Variants in GRIN2A observed in about 807,000 individuals in gnomAD.
GRIN2A encodes the protein glutamate ionotropic receptor NMDA type subunit 2A, also known as glutamate receptor ionotropic, NMDA 2A.
In GRIN2A, 22 loss-of-function variants were observed where a neutral mutation model predicts 113.4. That is an observed-to-expected ratio of 0.19 (90% CI 0.14 to 0.28). The LOEUF is 0.28. GRIN2A is among the 10% of genes least tolerant of loss of function. The pLI is 1.00. For missense variants in GRIN2A, 1,502 were observed against 1,887.0 expected, an observed-to-expected ratio of 0.80 and a Z score of 3.78; for synonymous variants, 827 against 738.4, an observed-to-expected ratio of 1.12 and a Z score of -1.94.
intron 2 of GRIN2A, among the ~76,000 whole-genome samples, chr16:10,088,006 A>C (rs988923186): frequency 6.6e-6 from 1 of 151,884 alleles, no homozygotes; most frequent in African/African-American, 2.4e-5. Flanking sequence ...AATTCTAAGC[A>C]CTCAGAAAAG....
rs187067473 is a variant in GRIN2A, at chr16:9,823,451, T to G, written c.2008-1027A>C. Among the ~76,000 whole-genome samples, 4 of 152,324 alleles carry G rather than the reference T, an allele frequency of 2.6e-5. No individual in the cohort carries two copies. In the East Asian group the frequency reaches 7.7e-4, roughly 29 times the overall value. ...TACATTTGTCAAGTAACTGGAATAGTGCCTGGACCAGAGAAAGCATTCAAA... is the reference window on the plus strand; with the variant it reads ...TACATTTGTCAAGTAACTGGAATAGGGCCTGGACCAGAGAAAGCATTCAAA... On this transcript the variant is annotated intron_variant, in intron 9 of 12. Transcript: ENST00000330684.
At chr16:10,067,652 G>A (rs983607375) in intron 2 of GRIN2A, among the ~76,000 whole-genome samples, 10 of 152,152 alleles carry the variant, frequency 6.6e-5, no homozygotes, top group Non-Finnish European at 2.9e-5. Flanking sequence ...GAGGAGTGGG[G>A]TGGGCAGGGA....
At chr16:10,012,911 C>T (rs1054758033) in intron 2 of GRIN2A, among the ~76,000 whole-genome samples, 3 of 152,102 alleles carry the variant, frequency 2.0e-5, no homozygotes, top group Admixed American at 6.6e-5. Flanking sequence ...AGTAAGTTTG[C>T]GGTAATTTAT....
intron 4 of GRIN2A, among the ~76,000 whole-genome samples, chr16:9,875,577 A>C (rs1446239298): frequency 1.3e-5 from 2 of 152,188 alleles, no homozygotes; most frequent in African/African-American, 4.8e-5. Flanking sequence ...TTCCATCAGC[A>C]GGCAAATGGG....
intron 2 of GRIN2A, among the ~76,000 whole-genome samples, chr16:10,129,680 CAGG>C (rs1335905567): frequency 2.6e-5 from 4 of 152,198 alleles, no homozygotes; most frequent in Admixed American, 2.0e-4. Flanking sequence ...GAGATATAAG[CAGG>C]AGATTATGGT....
intron 2 of GRIN2A, among the ~76,000 whole-genome samples, chr16:10,138,302 G>A (rs73514637): frequency 2.0e-5 from 3 of 152,160 alleles, no homozygotes; most frequent in Admixed American, 6.5e-5. Context: ...ACAATGTAAA[G>A]AACTATCTGA....
intron 2 of GRIN2A, among the ~76,000 whole-genome samples, chr16:10,073,333 A>G (rs1483250359): frequency 6.6e-6 from 1 of 152,188 alleles, no homozygotes; most frequent in Admixed American, 6.5e-5. Flanking sequence ...CATGGAAGAC[A>G]GAAAAATCAT....
rs143052517 is a variant in GRIN2A, at chr16:10,104,192, T to G, written c.414+75806A>C. ...AACACAAACCAGTTTGAAGAAACTA[T>G]TCGACGTATTCATTCTGTCATCTGT... On this transcript the variant is annotated intron_variant, in intron 2 of 12. Coordinates refer to ENST00000330684, the MANE Select transcript of GRIN2A (RefSeq NM_001134407.3). Among the ~76,000 whole-genome samples the G allele has an allele frequency of 3.7e-3, 567 of 152,370 alleles. 3 individuals carry two copies. The highest frequency in any genetic ancestry group is 0.013 in the African/African-American group (532 of 41,588).
At chr16:10,081,811 A>T (rs1337575886) in intron 2 of GRIN2A, among the ~76,000 whole-genome samples, 1 of 152,144 alleles carries the variant, frequency 6.6e-6, no homozygotes, top group Non-Finnish European at 1.5e-5. Flanking sequence ...AGGCTATGGA[A>T]CTGATTAAAA....
intron 5 of GRIN2A, among the ~76,000 whole-genome samples, chr16:9,843,099 G>T (rs1465639323): frequency 1.3e-5 from 2 of 151,492 alleles, no homozygotes; most frequent in Admixed American, 6.6e-5. Flanking sequence ...GAAAGAGAAA[G>T]AAATAAAGGA....
rs535218447 is a variant in GRIN2A, at chr16:10,158,951, C to G, written c.414+21047G>C. 3.4e-4 allele frequency among the ~76,000 whole-genome samples: 51 copies of G among 152,230 alleles called. No individual in the cohort carries two copies. In the South Asian group the frequency reaches 1.0e-2, roughly 30 times the overall value. On this transcript the variant is annotated intron_variant, in intron 2 of 12. Transcript: ENST00000330684. ...TATTATATCACAATAAAAAATTAGT[C>G]AAAGTGGCCAAAATGTTGTGAAGGT...
intron 2 of GRIN2A, among the ~76,000 whole-genome samples, chr16:10,030,022 G>GTA (rs558853004): frequency 4.7e-4 from 71 of 151,870 alleles, no homozygotes; most frequent in Non-Finnish European, 8.4e-4. Context: ...ATAAATAAAA[G>GTA]TATATATATA....
intron 2 of GRIN2A, among the ~76,000 whole-genome samples, chr16:10,168,777 C>T (rs959273971): frequency 2.0e-5 from 3 of 152,018 alleles, no homozygotes; most frequent in African/African-American, 7.2e-5. Context: ...ACCAGCCTGG[C>T]CAACATGGTA....
chr16:10,131,179 A>G (rs2049053599), intron 2 of GRIN2A, among the ~76,000 whole-genome samples: 1 of 152,200 alleles, frequency 6.6e-6, no homozygotes, highest in Admixed American at 6.5e-5. Context: ...ACCAGCTTGC[A>G]TGCTGTGGGT....
intron 2 of GRIN2A, among the ~76,000 whole-genome samples, chr16:10,091,343 T>C (rs1374868504): frequency 6.6e-6 from 1 of 152,066 alleles, no homozygotes; most frequent in Non-Finnish European, 1.5e-5. Flanking sequence ...GCGCAGTGGA[T>C]CACATCTATA....
intron 2 of GRIN2A, among the ~76,000 whole-genome samples, chr16:10,170,256 G>C (rs1437252333): frequency 2.6e-5 from 4 of 152,196 alleles, no homozygotes; most frequent in African/African-American, 7.2e-5. Flanking sequence ...AGTTGGAACA[G>C]AGGCAGCCAC....
intron 2 of GRIN2A, among the ~76,000 whole-genome samples, chr16:10,028,234 G>C (rs958707828): frequency 5.3e-5 from 8 of 152,228 alleles, no homozygotes; most frequent in African/African-American, 1.7e-4. Context: ...GACACACAGA[G>C]TGTTTTGTTA....
chr16:10,111,304 C>T (rs994598021), intron 2 of GRIN2A: 3 of 373,150 alleles, frequency 8.0e-6, no homozygotes, highest in South Asian at 4.4e-5. Flanking sequence ...AGTTCCCAGG[C>T]CCACAGCGTC....
chr16:9,769,735 C>G (rs558093356), intron 11 of GRIN2A, among the ~76,000 whole-genome samples: 1 of 152,126 alleles, frequency 6.6e-6, no homozygotes, highest in South Asian at 2.1e-4. Flanking sequence ...CCTAAAGGAC[C>G]CAGATCATAG....
Sources: gnomAD v4.1 joint callset for allele counts (sites outside exome capture counted in the v4.1 genomes callset) on GRCh38, gnomAD v4.1.1 for gene constraint, MANE v1.5 for transcripts, NCBI Gene and HGNC (gene_info 2026-07-23, HGNC 2026-07-21) for gene names.